The following RBFOX1 variants were observed in gnomAD, a reference collection of about 807,000 sequenced individuals.
RBFOX1 encodes the protein RNA binding protein fox-1 homolog 1.
A neutral mutation model predicts 57.7 loss-of-function variants in RBFOX1; 8 were observed. That is an observed-to-expected ratio of 0.14 (90% CI 0.08 to 0.25). The LOEUF (loss-of-function observed/expected upper bound fraction) is 0.25, where lower values mean the gene tolerates loss of function less well. Among genes scored for constraint, RBFOX1 ranks in the 10% least tolerant of loss-of-function variants. RBFOX1 has a pLI of 1.00. For synonymous variants in RBFOX1, 326 were observed against 222.4 expected, an observed-to-expected ratio of 1.47 and a Z score of -4.15; for missense variants, 611 against 548.5, an observed-to-expected ratio of 1.11 and a Z score of -1.14.
chr16:6,193,344 C>CAT (rs1381266286), intron 1 of RBFOX1, among the ~76,000 whole-genome samples: 1 of 66,730 alleles, frequency 1.5e-5, no homozygotes, highest in Non-Finnish European at 3.5e-5. Flanking sequence ...ATATTCTTTA[C>CAT]ATATATATAC....
At chr16:7,407,244 G>A (rs1424623590) in intron 4 of RBFOX1, among the ~76,000 whole-genome samples, 1 of 152,124 alleles carries the variant, frequency 6.6e-6, no homozygotes, top group African/African-American at 2.4e-5. Flanking sequence ...GTGAGGATTA[G>A]GACATGAGCA....
chr16:5,835,239 C>G (rs896575243), intron 3 of RBFOX1, among the ~76,000 whole-genome samples: 10 of 152,148 alleles, frequency 6.6e-5, no homozygotes, highest in Non-Finnish European at 1.3e-4. Flanking sequence ...GAGCAATGAG[C>G]ACGTGACAAT....
intron 2 of RBFOX1, among the ~76,000 whole-genome samples, chr16:6,559,740 T>G (rs2097154943): frequency 6.6e-6 from 1 of 152,122 alleles, no homozygotes; most frequent in African/African-American, 2.4e-5. Context: ...TATCTATATC[T>G]CTTTATATCC....
chr16:6,028,641 A>G (rs1286876829), intron 1 of RBFOX1, among the ~76,000 whole-genome samples: 1 of 151,956 alleles, frequency 6.6e-6, no homozygotes, highest in Non-Finnish European at 1.5e-5. Flanking sequence ...TAATTGTGCC[A>G]CTGCACTCCA....
intron 3 of RBFOX1, among the ~76,000 whole-genome samples, chr16:6,730,692 C>T (rs1349808607): frequency 2.0e-5 from 3 of 152,148 alleles, no homozygotes; most frequent in Non-Finnish European, 2.9e-5. Context: ...AGATGAAATG[C>T]CACTGTCCAA....
chr16:5,410,516 G>C (rs1044880063), intron 1 of RBFOX1, among the ~76,000 whole-genome samples: 1 of 152,172 alleles, frequency 6.6e-6, no homozygotes, highest in Admixed American at 6.5e-5. Context: ...AATATACCTT[G>C]TAAAGTAACT....
intron 4 of RBFOX1, among the ~76,000 whole-genome samples, chr16:7,282,056 A>G (rs6500943): frequency 0.13 from 19,463 of 151,600 alleles, 1,731 homozygotes; most frequent in South Asian, 0.24. Flanking sequence ...TTTTGTAGAG[A>G]CAGGGTTTCT....
intron 1 of RBFOX1, among the ~76,000 whole-genome samples, chr16:6,073,981 C>T (rs1336395441): frequency 6.6e-6 from 1 of 152,072 alleles, no homozygotes; most frequent in African/African-American, 2.4e-5. Flanking sequence ...CAGAGTCTCA[C>T]TCTGTCGCCC....
intron 1 of RBFOX1, among the ~76,000 whole-genome samples, chr16:6,210,505 G>A (rs1331667637): frequency 1.3e-5 from 2 of 152,006 alleles, no homozygotes; most frequent in Non-Finnish European, 2.9e-5. Flanking sequence ...TGAGACAAGA[G>A]GATCACTTGA....
At chr16:6,148,400 C>T (rs1451872127) in intron 1 of RBFOX1, among the ~76,000 whole-genome samples, 1 of 152,186 alleles carries the variant, frequency 6.6e-6, no homozygotes, top group Non-Finnish European at 1.5e-5. Context: ...TTTTCTATTT[C>T]TCAAACTCCT....
intron 1 of RBFOX1, among the ~76,000 whole-genome samples, chr16:6,202,485 C>T (rs372135128): frequency 3.9e-5 from 6 of 152,236 alleles, no homozygotes; most frequent in African/African-American, 1.4e-4. Context: ...CACTCAAGAA[C>T]TTAAGACAAA....
At chr16:6,805,657 C>T in intron 3 of RBFOX1, among the ~76,000 whole-genome samples, 1 of 152,110 alleles carries the variant, frequency 6.6e-6, no homozygotes, top group East Asian at 1.9e-4. Context: ...GGAGGGAAGT[C>T]TGTTAATGAA....
intron 4 of RBFOX1, among the ~76,000 whole-genome samples, chr16:7,135,574 C>A (rs547457852): frequency 2.0e-5 from 3 of 152,184 alleles, no homozygotes; most frequent in Non-Finnish European, 4.4e-5. Context: ...TAAAGTGTTT[C>A]CATCTTTCAT....
intron 4 of RBFOX1, among the ~76,000 whole-genome samples, chr16:5,923,039 T>G (rs570745556): frequency 6.6e-6 from 1 of 152,258 alleles, no homozygotes; most frequent in African/African-American, 2.4e-5. Context: ...CAGGGGACTC[T>G]CCACAAGGCC....
At chr16:6,745,809 A>G (rs1473929254) in intron 3 of RBFOX1, among the ~76,000 whole-genome samples, 1 of 152,214 alleles carries the variant, frequency 6.6e-6, no homozygotes. Flanking sequence ...AAAGGAGGTA[A>G]AAGGCATCTG....
At chr16:5,508,115 G>A (rs2043442170) in intron 2 of RBFOX1, among the ~76,000 whole-genome samples, 1 of 152,208 alleles carries the variant, frequency 6.6e-6, no homozygotes, top group African/African-American at 2.4e-5. Flanking sequence ...ACAATAGTAT[G>A]CAAACTTGGC....
At position 7,228,417 on chromosome 16, in the gene RBFOX1, A is replaced by G. The variant is rs571603697; in HGVS notation, c.27+176319A>G. Among the ~76,000 whole-genome samples the G allele has an allele frequency of 5.0e-4, 76 of 152,314 alleles. 1 individual carries two copies. Among genetic ancestry groups the G allele is most frequent in the Admixed American group, 2.1e-3 (32 of 15,302 alleles). Reference sequence around the variant, plus strand: ...TAAGATTTGCTTAATGAAAACCTAAATCATTATGGCTCTCTTAATCAGAGT... The same window carrying G: ...TAAGATTTGCTTAATGAAAACCTAAGTCATTATGGCTCTCTTAATCAGAGT... On this transcript the variant is annotated intron_variant, in intron 4 of 15. Transcript: ENST00000550418.
At chr16:5,788,790 G>T (rs1208231849) in intron 3 of RBFOX1, among the ~76,000 whole-genome samples, 1 of 151,920 alleles carries the variant, frequency 6.6e-6, no homozygotes, top group East Asian at 1.9e-4. Context: ...TCAGTGACAG[G>T]CACATGCTTT....
Position 5,313,929 on chromosome 16 carries a change from A to G in RBFOX1, c.219+73824A>G, listed in dbSNP as rs567551523. Among the ~76,000 whole-genome samples, 12 of 152,318 alleles carry G rather than the reference A, an allele frequency of 7.9e-5. 1 individual carries two copies. In the South Asian group the frequency reaches 2.5e-3, roughly 32 times the overall value. The stretch of plus-strand genomic sequence containing the variant: ...GTGGGTGGTGATAGCCTGAGCTCCC[A>G]TGAAATGTATGGGATGTTTTGTGTG... On this transcript the variant is annotated intron_variant, in intron 1 of 2. Transcript: ENST00000585867.
Sources: gnomAD v4.1 joint callset for allele counts (sites outside exome capture counted in the v4.1 genomes callset) on GRCh38, gnomAD v4.1.1 for gene constraint, MANE v1.5 for transcripts, NCBI Gene and HGNC (gene_info 2026-07-23, HGNC 2026-07-21) for gene names.